The following LRP2 variants were observed in gnomAD, a reference collection of about 807,000 sequenced individuals.
LRP2 encodes low-density lipoprotein receptor-related protein 2.
A neutral mutation model predicts 531.0 loss-of-function variants in LRP2; 172 were observed. That is an observed-to-expected ratio of 0.32 (90% CI 0.29 to 0.37). The LOEUF (loss-of-function observed/expected upper bound fraction) is 0.37, where lower values mean the gene tolerates loss of function less well. Among genes scored for constraint, LRP2 ranks in the 10% least tolerant of loss-of-function variants. LRP2 has a pLI of 1.00. For missense variants in LRP2, 5,167 were observed against 5,868.3 expected (o/e 0.88, Z 3.90); for synonymous variants, 1,992 against 2,027.6 (o/e 0.98, Z 0.47).
In LRP2 at chr2:169,203,989, A is replaced by G; in HGVS notation, c.7998T>C (p.Cys2666=). 6.2e-7 allele frequency: 1 copy of G among 1,614,144 alleles called. No homozygotes were observed. The highest frequency in any genetic ancestry group is 8.5e-7 in the Non-Finnish European group (1 of 1,179,980). ...TCATGGTCAGTGCCTTACCTGGTGC[A>G]CAGATATGGCTGCAGCCCCCATTAA... ...EQFNGGCSHI[C]APGPNGAECQ... Residue 2666 remains cysteine, a synonymous_variant, in exon 42 of 79, where the codon TGT becomes TGC. Transcript: ENST00000649046.
chr2:169,163,781 G>T lies in LRP2; in HGVS notation c.11759-1181C>A, dbSNP rs72874737. Among the ~76,000 whole-genome samples the T allele has an allele frequency of 4.9e-3, 741 of 152,238 alleles. 3 individuals are homozygous for T. The highest frequency in any genetic ancestry group is 7.0e-3 in the Non-Finnish European group (476 of 68,018). ...TATAAGCAAGAAGTGGGGTGAGAAAGCTGCCGTGCTGGCCCTAATGGTAGC... is the reference window on the plus strand; with the variant it reads ...TATAAGCAAGAAGTGGGGTGAGAAATCTGCCGTGCTGGCCCTAATGGTAGC... On this transcript the variant is annotated intron_variant, in intron 62 of 78. Transcript: ENST00000649046.
intron 52 of LRP2, among the ~76,000 whole-genome samples, chr2:169,180,589 G>A (rs979472815): frequency 2.0e-5 from 3 of 152,166 alleles, no homozygotes; most frequent in Non-Finnish European, 2.9e-5. Context: ...ATGTCCCCAG[G>A]GAGCATGGTG....
At chr2:169,243,149 T>C (rs1689870907) in intron 23 of LRP2, 77 bp from the exon 24 acceptor site, 4 of 1,229,880 alleles carry the variant, frequency 3.3e-6, no homozygotes, top group Middle Eastern at 1.9e-4. Context: ...TCTTTTTTGT[T>C]GTTATACTTT....
chr2:169,156,629 T>C (rs1164271353), intron 64 of LRP2, among the ~76,000 whole-genome samples: 1 of 152,204 alleles, frequency 6.6e-6, no homozygotes, highest in Non-Finnish European at 1.5e-5. Context: ...TTAAGAGGTA[T>C]GGACGATTAA....
chr2:169,317,316 G>T (rs965621711), intron 3 of LRP2, among the ~76,000 whole-genome samples: 4 of 152,230 alleles, frequency 2.6e-5, no homozygotes, highest in African/African-American at 9.6e-5. Flanking sequence ...AGGAGTAAGA[G>T]AAAATAGACT....
Position 169,290,937 on chromosome 2 carries a change from C to A in LRP2, c.830G>T (p.Gly277Val), listed in dbSNP as rs765411560. 5.6e-6 allele frequency: 9 copies of A among 1,614,130 alleles called. No homozygotes were observed. In the South Asian group the frequency reaches 8.8e-5, roughly 16 times the overall value. Residue 277 changes from glycine to valine, a missense_variant, in exon 8 of 79, where the codon GGA (glycine) becomes GTA (valine). Coordinates refer to ENST00000649046, the MANE Select transcript of LRP2 (RefSeq NM_004525.3). ...SPREWSCPES[G>V]RCISIYKVCD... ...AACTTTATAAATGGAGATGCATCGTCCCGACTCTGGGCAAGACCATTCTCT... is the reference window on the plus strand; with the variant it reads ...AACTTTATAAATGGAGATGCATCGTACCGACTCTGGGCAAGACCATTCTCT...
intron 48 of LRP2, among the ~76,000 whole-genome samples, chr2:169,191,317 T>A (rs1033444226): frequency 6.6e-6 from 1 of 152,162 alleles, no homozygotes; most frequent in African/African-American, 2.4e-5. Context: ...ATTTTTCTTG[T>A]AGTAGAGAGA....
chr2:169,311,290 G>GTT (rs1289861240), intron 3 of LRP2, among the ~76,000 whole-genome samples: 1 of 152,182 alleles, frequency 6.6e-6, no homozygotes. Flanking sequence ...TAATTGTGAT[G>GTT]TTAGGGTGTC....
rs151093356 is a variant in LRP2, at chr2:169,137,346, TC to T, written c.13620+45del. On this transcript the variant is annotated intron_variant, in intron 76 of 78. Transcript: ENST00000649046. ...TAAGACATGACTCAATAGATTAAGA[TC>T]CAGCGACAGCAGTAACTGAAAGAAA... 2.2e-3 allele frequency: 2,784 copies of T among 1,280,736 alleles called. 50 individuals are homozygous for T. The African/African-American group carries it at 0.036, about 16-fold the overall frequency. 79.3% of individuals were successfully genotyped at this position (1,280,736 alleles called of 1,614,324 possible).
intron 66 of LRP2, 46 bp from the exon 67 acceptor site, chr2:169,153,010 G>A (rs1686202390): frequency 2.5e-6 from 4 of 1,585,538 alleles, no homozygotes; most frequent in Non-Finnish European, 3.5e-6. Flanking sequence ...AGAGCATCAA[G>A]TAAAGGAAGA....
intron 9 of LRP2, among the ~76,000 whole-genome samples, chr2:169,286,876 G>T (rs929173174): frequency 3.9e-5 from 6 of 152,200 alleles, no homozygotes; most frequent in Non-Finnish European, 8.8e-5. Flanking sequence ...TGAGAATGTG[G>T]CTTCTGGTAT....
chr2:169,270,885 A>G lies in LRP2; in HGVS notation c.2320+19T>C. On this transcript the variant is annotated intron_variant, in intron 16 of 78. Coordinates refer to ENST00000649046, the MANE Select transcript of LRP2 (RefSeq NM_004525.3). ...AAAACACGCATACACACACACACACACACACAAACCTTTCTCACCTGTGCC... is the reference window on the plus strand; with the variant it reads ...AAAACACGCATACACACACACACACGCACACAAACCTTTCTCACCTGTGCC... 1 of 1,608,368 alleles carries G rather than the reference A, an allele frequency of 6.2e-7. No homozygotes were observed. The highest frequency in any genetic ancestry group is 8.5e-7 in the Non-Finnish European group (1 of 1,175,670).
rs753635591 is a variant in LRP2 at position 169,294,289 on chromosome 2, A to G, written c.539-28T>C. On this transcript the variant is annotated intron_variant, in intron 5 of 78. Coordinates refer to ENST00000649046, the MANE Select transcript of LRP2 (RefSeq NM_004525.3). ...GCAACAGAAAGTTAAGAAGGGAAAG[A>G]AAAGAGAGAAGTTAACTCCATTGTA... 6 of 1,334,482 alleles carry G rather than the reference A, an allele frequency of 4.5e-6. No homozygotes were observed. In the South Asian group the frequency reaches 7.0e-5, roughly 16 times the overall value. The allele number at this position is 1,334,482 out of a possible 1,614,324, so 82.7% of individuals were successfully genotyped here. A position where few individuals can be genotyped will look rare whatever the true frequency, so the allele number is the denominator to read the frequency against.
intron 34 of LRP2, among the ~76,000 whole-genome samples, chr2:169,220,008 T>C (rs1297482564): frequency 6.6e-6 from 1 of 152,118 alleles, no homozygotes; most frequent in Non-Finnish European, 1.5e-5. Flanking sequence ...AGTGCCGCCA[T>C]ACTTCTGTGC....
chr2:169,257,357 T>C, intron 17 of LRP2, 108 bp from the exon 18 acceptor site: 1 of 1,155,422 alleles, frequency 8.7e-7, no homozygotes, highest in Non-Finnish European at 1.3e-6. Context: ...TTAATTTTGT[T>C]TTCTTTATAT....
intron 13 of LRP2, among the ~76,000 whole-genome samples, chr2:169,277,028 C>G (rs970655539): frequency 3.3e-5 from 5 of 151,786 alleles, no homozygotes; most frequent in African/African-American, 1.2e-4. Flanking sequence ...AATTTTATCT[C>G]TACTAAAAAT....
At chr2:169,290,476 T>G (rs1683972139) in intron 8 of LRP2, among the ~76,000 whole-genome samples, 1 of 152,078 alleles carries the variant, frequency 6.6e-6, no homozygotes, top group Non-Finnish European at 1.5e-5. Context: ...GTCTATTTCT[T>G]CCATCCACTC....
Position 169,270,975 on chromosome 2 carries a change from G to T in LRP2, c.2249C>A (p.Ala750Asp), listed in dbSNP as rs1280279841. Residue 750 changes from alanine (A) to aspartate (D), a missense_variant, in exon 16 of 79, where the codon GCC becomes GAC. This residue lies in a region of LRP2 where 2,811 missense variants were observed against 3,058.0 expected (regional missense o/e 0.92). Coordinates refer to ENST00000649046, the MANE Select transcript of LRP2 (RefSeq NM_004525.3). The stretch of plus-strand genomic sequence containing the variant: ...TGAAAAAAAGATAGTGCTGTCCTGG[G>T]CGTCAAAATCAATCCCGACAAAGAA... Reference protein sequence around the residue: ...PSFFVGIDFDAQDSTIFFSDM... With the variant: ...PSFFVGIDFDDQDSTIFFSDM... 1 of 1,613,134 alleles carries T rather than the reference G, an allele frequency of 6.2e-7. No homozygotes were observed. The highest frequency in any genetic ancestry group is 1.7e-5 in the Admixed American group (1 of 59,830).
In LRP2 at chr2:169,198,905, C is replaced by A. The variant is rs149781950; in HGVS notation, c.8459G>T (p.Arg2820Leu). Residue 2820 changes from arginine to leucine, a missense_variant, in exon 45 of 79, where the codon CGC becomes CTC. Coordinates refer to ENST00000649046, the MANE Select transcript of LRP2 (RefSeq NM_004525.3). ...TTTTGTGTATCCAGACTGGCAAGTGCGATCAGCTTGAAAAAGACAACCAGA... is the reference window on the plus strand; with the variant it reads ...TTTTGTGTATCCAGACTGGCAAGTGAGATCAGCTTGAAAAAGACAACCAGA... ...NTSDEKNCPD[R>L]TCQSGYTKCH... 2 of 1,613,008 alleles carry A rather than the reference C, an allele frequency of 1.2e-6. No individual in the cohort carries two copies. Among genetic ancestry groups the A allele is most frequent in the Non-Finnish European group, 1.7e-6 (2 of 1,179,404 alleles).
Sources: gnomAD v4.1 joint callset for allele counts (sites outside exome capture counted in the v4.1 genomes callset) on GRCh38, gnomAD v4.1.1 for gene constraint, gnomAD v4.1.1 regional missense constraint, MANE v1.5 for transcripts, NCBI Gene and HGNC (gene_info 2026-07-23, HGNC 2026-07-21) for gene names.